Variants in NR2F1-AS1 observed in about 807,000 individuals in gnomAD.
The protein encoded by NR2F1-AS1 is NR2F1 antisense RNA 1.
At chr5:93,450,316 TAA>T (rs1749799389) in intron 4 of NR2F1-AS1, among the ~76,000 whole-genome samples, 3 of 152,204 alleles carry the variant, frequency 2.0e-5, no homozygotes, top group Admixed American at 2.0e-4. Context: ...ACTTTTCTCA[TAA>T]AAAGTTTATT....
chr5:93,578,440 T>C (rs1752945218), intron 1 of NR2F1-AS1, among the ~76,000 whole-genome samples: 1 of 151,540 alleles, frequency 6.6e-6, no homozygotes, highest in African/African-American at 2.4e-5. Context: ...ACTGAACAGG[T>C]CTGTGGGAAC....
intron 1 of NR2F1-AS1, among the ~76,000 whole-genome samples, chr5:93,577,101 A>G (rs922506128): frequency 2.0e-5 from 3 of 152,212 alleles, no homozygotes; most frequent in Non-Finnish European, 4.4e-5. Context: ...CTCCTCTAAA[A>G]AGGCTCGATT....
intron 4 of NR2F1-AS1, among the ~76,000 whole-genome samples, chr5:93,535,673 C>A (rs1185926171): frequency 2.6e-5 from 4 of 152,066 alleles, no homozygotes; most frequent in Admixed American, 2.0e-4. Context: ...AGGTGGGATT[C>A]ATCGTAGAGA....
chr5:93,414,720 A>G (rs576038633), intron 4 of NR2F1-AS1, among the ~76,000 whole-genome samples: 1 of 152,256 alleles, frequency 6.6e-6, no homozygotes, highest in South Asian at 2.1e-4. Context: ...ATGGGCTGTT[A>G]CTTGCCTTGA....
intron 2 of NR2F1-AS1, among the ~76,000 whole-genome samples, chr5:93,562,374 C>A (rs2149920534): frequency 6.6e-6 from 1 of 152,260 alleles, no homozygotes; most frequent in East Asian, 1.9e-4. Context: ...TCACTGCAGC[C>A]TTGACCTCCC....
intron 4 of NR2F1-AS1, chr5:93,542,677 C>G (rs1279657603): frequency 6.6e-6 from 1 of 152,172 alleles, no homozygotes; most frequent in Non-Finnish European, 1.5e-5. Flanking sequence ...AAGTAAAAAA[C>G]CCAAGTTTAC....
intron 1 of NR2F1-AS1, chr5:93,570,856 G>T (rs1173851879): frequency 6.6e-6 from 1 of 152,362 alleles, no homozygotes; most frequent in African/African-American, 2.4e-5. Flanking sequence ...TAGCTTCCGG[G>T]ATCCGCTCCC....
Position 93,518,915 on chromosome 5 carries a change from T to C in NR2F1-AS1, n.638+34846A>G, listed in dbSNP as rs1321268578. Reference sequence around the variant, plus strand: ...ATCATGGTACAGACTGGTGAAGAAATTTATTAAAGTAGACTTAAAGTAGAT... The same window carrying C: ...ATCATGGTACAGACTGGTGAAGAAACTTATTAAAGTAGACTTAAAGTAGAT... On this transcript the variant is annotated intron_variant and non_coding_transcript_variant, in intron 4 of 5. Transcript: ENST00000660523. Among the ~76,000 whole-genome samples the C allele has an allele frequency of 4.6e-5, 7 of 151,990 alleles. No individual in the cohort carries two copies. In the East Asian group the frequency reaches 1.4e-3, roughly 29 times the overall value.
chr5:93,413,740 A>C (rs764397072), intron 4 of NR2F1-AS1, among the ~76,000 whole-genome samples: 2 of 152,224 alleles, frequency 1.3e-5, no homozygotes, highest in Non-Finnish European at 2.9e-5. Context: ...AAAAAAACTT[A>C]CTGATTTTTC....
chr5:93,583,880 T>C (rs1256794033), upstream of NR2F1-AS1: 1 of 152,562 alleles, frequency 6.6e-6, no homozygotes, highest in East Asian at 1.9e-4. Context: ...CGGCGTGAAT[T>C]ATCCCGTATT....
At chr5:93,496,601 ATTTG>A (rs1445340103) in intron 4 of NR2F1-AS1, among the ~76,000 whole-genome samples, 2 of 152,150 alleles carry the variant, frequency 1.3e-5, no homozygotes, top group Admixed American at 6.6e-5. Flanking sequence ...TTCTACATCT[ATTTG>A]TTCATGAGTT....
Position 93,442,869 on chromosome 5 carries a change from A to G in NR2F1-AS1, n.639-47327T>C, listed in dbSNP as rs144247942. ...TCCAGAGGAAGGATCAGGCAGCAAC[A>G]TTTGCCGTTTTGCAATATTTGCTGC... On this transcript the variant is annotated intron_variant and non_coding_transcript_variant, in intron 4 of 5. Transcript: ENST00000660523. Among the ~76,000 whole-genome samples the G allele has an allele frequency of 2.0e-3, 312 of 152,214 alleles. 2 individuals are homozygous for G. Among genetic ancestry groups the G allele is most frequent in the African/African-American group, 7.1e-3 (294 of 41,520 alleles).
At chr5:93,499,527 C>T (rs1261272643) in intron 4 of NR2F1-AS1, among the ~76,000 whole-genome samples, 2 of 152,056 alleles carry the variant, frequency 1.3e-5, no homozygotes, top group Admixed American at 6.6e-5. Context: ...ACGGACCATG[C>T]CCATAAGCAA....
At chr5:93,445,980 G>C (rs1423702158) in intron 4 of NR2F1-AS1, among the ~76,000 whole-genome samples, 1 of 152,104 alleles carries the variant, frequency 6.6e-6, no homozygotes, top group African/African-American at 2.4e-5. Context: ...TGCAGAAAAG[G>C]TCTTCAACAA....
upstream of NR2F1-AS1, chr5:93,584,248 C>T (rs1227444112): frequency 6.7e-6 from 1 of 148,964 alleles, no homozygotes; most frequent in African/African-American, 2.4e-5. Context: ...GGTCCCGGCT[C>T]CTCCAGCGGC....
chr5:93,414,251 T>C (rs1247375256), intron 4 of NR2F1-AS1, among the ~76,000 whole-genome samples: 3 of 152,202 alleles, frequency 2.0e-5, no homozygotes, highest in Non-Finnish European at 4.4e-5. Context: ...AACAATGTTT[T>C]TGTTAGCATG....
At chr5:93,522,165 G>A (rs146616630) in intron 4 of NR2F1-AS1, among the ~76,000 whole-genome samples, 36 of 152,194 alleles carry the variant, frequency 2.4e-4, no homozygotes, top group African/African-American at 7.9e-4. Context: ...GATAACTTAT[G>A]AACACAAAGA....
intron 2 of NR2F1-AS1, among the ~76,000 whole-genome samples, chr5:93,555,897 T>G (rs1163965670): frequency 6.6e-6 from 1 of 152,198 alleles, no homozygotes; most frequent in African/African-American, 2.4e-5. Context: ...GGTCATGTTT[T>G]TCTTCTTGTC....
At chr5:93,573,742 G>A (rs971974690) in intron 1 of NR2F1-AS1, among the ~76,000 whole-genome samples, 3 of 152,178 alleles carry the variant, frequency 2.0e-5, no homozygotes, top group Non-Finnish European at 4.4e-5. Context: ...GTCTCTCCAA[G>A]CGATTTGACC....
Sources: gnomAD v4.1 joint callset for allele counts (sites outside exome capture counted in the v4.1 genomes callset) on GRCh38, gnomAD v4.1.1 for gene constraint, MANE v1.5 for transcripts, NCBI Gene and HGNC (gene_info 2026-07-23, HGNC 2026-07-21) for gene names.